Variants in PLCB1 observed in about 807,000 individuals in gnomAD.
The protein encoded by PLCB1 is 1-phosphatidylinositol 4,5-bisphosphate phosphodiesterase beta-1.
In PLCB1, 46 loss-of-function variants were observed where a neutral mutation model predicts 161.8. The observed-to-expected ratio is 0.28, with a 90% CI of 0.22 to 0.36. PLCB1 has a LOEUF of 0.36. Ranked by LOEUF, PLCB1 falls within the 10% of genes least tolerant of loss-of-function variation. The probability of loss-of-function intolerance (pLI) is 1.00; values close to 1 mark genes in which losing one functional copy is unlikely to be tolerated. For missense variants in PLCB1, 1,016 were observed against 1,472.5 expected, an observed-to-expected ratio of 0.69 and a Z score of 5.07; for synonymous variants, 517 against 503.7, an observed-to-expected ratio of 1.03 and a Z score of -0.35.
chr20:8,659,298 A>T (rs1160154161), intron 9 of PLCB1, among the ~76,000 whole-genome samples: 1 of 152,154 alleles, frequency 6.6e-6, no homozygotes, highest in Non-Finnish European at 1.5e-5. Context: ...TATATTTTTG[A>T]TTCTGGGAAA....
At chr20:8,369,902 A>G (rs980222367) in intron 2 of PLCB1, among the ~76,000 whole-genome samples, 8 of 152,140 alleles carry the variant, frequency 5.3e-5, no homozygotes, top group Non-Finnish European at 7.3e-5. Context: ...GGCCTTTACT[A>G]CAAGGCAATC....
chr20:8,327,617 G>A (rs187242758), intron 2 of PLCB1, among the ~76,000 whole-genome samples: 6 of 152,206 alleles, frequency 3.9e-5, no homozygotes, highest in East Asian at 1.9e-4. Flanking sequence ...GCTTGTTAGC[G>A]GCCTCTTCCA....
At chr20:8,421,520 A>G (rs1315385491) in intron 3 of PLCB1, among the ~76,000 whole-genome samples, 1 of 152,138 alleles carries the variant, frequency 6.6e-6, no homozygotes, top group East Asian at 1.9e-4. Context: ...TGTAATATCA[A>G]TACATTTGTG....
At chr20:8,578,214 T>C (rs1268354101) in intron 3 of PLCB1, among the ~76,000 whole-genome samples, 2 of 152,372 alleles carry the variant, frequency 1.3e-5, no homozygotes, top group East Asian at 3.9e-4. Flanking sequence ...ATACCTGCCA[T>C]TAATTAATAT....
chr20:8,425,607 C>T (rs953238597), intron 3 of PLCB1, among the ~76,000 whole-genome samples: 2 of 151,804 alleles, frequency 1.3e-5, no homozygotes, highest in East Asian at 1.9e-4. Flanking sequence ...CTTCCACAAA[C>T]GGATTCTATT....
At chr20:8,539,637 T>TTTCTTTCTTTCTTTCC (rs1568499427) in intron 3 of PLCB1, among the ~76,000 whole-genome samples, 21 of 91,106 alleles carry the variant, frequency 2.3e-4, no homozygotes, top group African/African-American at 8.6e-4. Flanking sequence ...TCTTTCTTTC[T>TTTCTTTCTTTCTTTCC]TTCTTTCTTT....
intron 3 of PLCB1, among the ~76,000 whole-genome samples, chr20:8,600,443 G>A (rs1348450489): frequency 3.4e-5 from 5 of 148,256 alleles, no homozygotes; most frequent in Admixed American, 2.0e-4. Context: ...CACTTGAGGA[G>A]GCAGTCTGCC....
chr20:8,444,322 C>T (rs1980710749), intron 3 of PLCB1, among the ~76,000 whole-genome samples: 1 of 151,888 alleles, frequency 6.6e-6, no homozygotes. Context: ...AGTTTGCTGA[C>T]AATGATGGTT....
rs957363023 is a variant in PLCB1 at position 8,642,806 on chromosome 20, A to G, written c.385-3296A>G. 2.6e-5 allele frequency among the ~76,000 whole-genome samples: 4 copies of G among 152,336 alleles called. No homozygotes were observed. In the East Asian group the frequency reaches 7.7e-4, roughly 29 times the overall value. On this transcript the variant is annotated intron_variant, in intron 4 of 31. Transcript: ENST00000338037. ...TAATGCTGTACCTTTTTCTGGCGTGAAACTAGCCTCTGGTAAACATACAAA... is the reference window on the plus strand; with the variant it reads ...TAATGCTGTACCTTTTTCTGGCGTGGAACTAGCCTCTGGTAAACATACAAA...
intron 3 of PLCB1, among the ~76,000 whole-genome samples, chr20:8,391,763 GTA>G (rs146859336): frequency 0.025 from 3,034 of 122,268 alleles, 67 homozygotes; most frequent in Middle Eastern, 0.086. Context: ...AAATAATGAA[GTA>G]TATATATATA....
chr20:8,755,057 G>A (rs1042684176), intron 23 of PLCB1, among the ~76,000 whole-genome samples: 2 of 152,094 alleles, frequency 1.3e-5, no homozygotes, highest in Admixed American at 6.5e-5. Context: ...AGGCTGCCCC[G>A]GTTACTTGTT....
chr20:8,715,679 C>T (rs940893971), intron 12 of PLCB1, among the ~76,000 whole-genome samples: 7 of 152,064 alleles, frequency 4.6e-5, no homozygotes, highest in African/African-American at 1.7e-4. Context: ...TTTATCTTTC[C>T]TCCAGGACCC....
At chr20:8,147,951 C>T (rs1306097686) in intron 1 of PLCB1, among the ~76,000 whole-genome samples, 2 of 148,362 alleles carry the variant, frequency 1.3e-5, no homozygotes, top group Non-Finnish European at 3.0e-5. Flanking sequence ...CAGCTCACTG[C>T]AAGCTCTGCC....
chr20:8,226,990 T>C (rs908559842), intron 2 of PLCB1, among the ~76,000 whole-genome samples: 2 of 152,146 alleles, frequency 1.3e-5, no homozygotes, highest in African/African-American at 4.8e-5. Flanking sequence ...CCCGGCCAAG[T>C]AAAACCAATT....
intron 31 of PLCB1, among the ~76,000 whole-genome samples, chr20:8,802,932 AAAG>A (rs371598509): frequency 3.3e-5 from 5 of 152,232 alleles, no homozygotes; most frequent in African/African-American, 1.2e-4. Context: ...TTCTTAGAAA[AAAG>A]AAGCATTCTT....
At chr20:8,449,126 T>C (rs1394107340) in intron 3 of PLCB1, among the ~76,000 whole-genome samples, 3 of 152,300 alleles carry the variant, frequency 2.0e-5, no homozygotes, top group South Asian at 4.1e-4. Flanking sequence ...GTAAAATATA[T>C]GTTTAGAGAT....
chr20:8,692,235 C>T (rs1783477168), intron 10 of PLCB1, among the ~76,000 whole-genome samples: 1 of 152,132 alleles, frequency 6.6e-6, no homozygotes, highest in African/African-American at 2.4e-5. Context: ...AAGAAAAGTT[C>T]TAAAAATGAT....
intron 12 of PLCB1, among the ~76,000 whole-genome samples, chr20:8,713,095 G>T (rs1979107593): frequency 6.6e-6 from 1 of 152,154 alleles, no homozygotes; most frequent in Non-Finnish European, 1.5e-5. Flanking sequence ...AACATGAATA[G>T]CCTGATTACC....
intron 27 of PLCB1, among the ~76,000 whole-genome samples, chr20:8,786,201 G>A (rs1189923722): frequency 6.6e-6 from 1 of 152,170 alleles, no homozygotes; most frequent in Admixed American, 6.5e-5. Flanking sequence ...GGAAGGGAAG[G>A]TGCTAGTGAG....
Sources: allele counts gnomAD v4.1 joint callset (sites outside exome capture counted in the v4.1 genomes callset), GRCh38; gene constraint gnomAD v4.1.1; transcripts MANE v1.5; gene names NCBI Gene and HGNC (gene_info 2026-07-23, HGNC 2026-07-21).